Variants in ANKRD27 observed in about 807,000 individuals in gnomAD.
ANKRD27 encodes the protein ankyrin repeat domain 27, also known as ankyrin repeat domain-containing protein 27.
A neutral mutation model predicts 129.7 loss-of-function variants in ANKRD27; 112 were observed. That is an observed-to-expected ratio of 0.86 (90% CI 0.74 to 1.01). The LOEUF is 1.01. ANKRD27 is among the 50% of genes least tolerant of loss of function. The pLI is 0.00. For synonymous variants in ANKRD27, 516 were observed against 511.2 expected, an observed-to-expected ratio of 1.01 and a Z score of -0.13; for missense variants, 1,258 against 1,300.5, an observed-to-expected ratio of 0.97 and a Z score of 0.50.
At chr19:32,644,731 G>T (rs1400054849) in intron 4 of ANKRD27, among the ~76,000 whole-genome samples, 1 of 152,232 alleles carries the variant, frequency 6.6e-6, no homozygotes, top group Non-Finnish European at 1.5e-5. Flanking sequence ...AAGAGCATCA[G>T]TGTGCATCCA....
chr19:32,608,659 T>TA (rs1271009594), intron 22 of ANKRD27, among the ~76,000 whole-genome samples: 3 of 152,046 alleles, frequency 2.0e-5, no homozygotes, highest in Non-Finnish European at 4.4e-5. Flanking sequence ...TGGCTAAAGT[T>TA]AAAAACTCAA....
Position 32,615,694 on chromosome 19 carries a change from C to T in ANKRD27, c.2139G>A (p.Pro713=), listed in dbSNP as rs78841410. The T allele has an allele frequency of 7.7e-3, 12,369 of 1,614,158 alleles. 387 individuals are homozygous for T. Among genetic ancestry groups the T allele is most frequent in the South Asian group, 0.066 (6,007 of 91,080 alleles). ...VSAADPEFCH[P]LCQCPKCAPA... is the part of the protein sequence containing the mutation. Reference sequence around the variant, plus strand: ...GGGCACACTTGGGGCACTGGCACAACGGGTGACAGAATTCGGGGTCCGCTG... The same window carrying T: ...GGGCACACTTGGGGCACTGGCACAATGGGTGACAGAATTCGGGGTCCGCTG... The change falls in exon 22 of 29, where the codon CCG becomes CCA. Residue 713 remains proline, a synonymous_variant. Transcript: ENST00000306065.
At chr19:32,606,533 C>T (rs527979851) in intron 23 of ANKRD27, among the ~76,000 whole-genome samples, 6 of 40,600 alleles carry the variant, frequency 1.5e-4, no homozygotes, top group East Asian at 4.4e-4. Context: ...CCATCTGCTG[C>T]GGGGCTGCTC....
intron 18 of ANKRD27, among the ~76,000 whole-genome samples, chr19:32,621,827 A>G (rs947153529): frequency 1.3e-4 from 20 of 152,018 alleles, no homozygotes; most frequent in African/African-American, 4.4e-4. Flanking sequence ...TGCCTCTCTA[A>G]CGATGCCATT....
Position 32,649,765 on chromosome 19 carries a change from A to G in ANKRD27, c.130T>C (p.Ser44Pro). ...IVLVPCKGSL[S>P]SSIQSTCQFE... ...TGACAAGTAGACTGGATGCTGCTCGACAGGCTTCCTTTGCAGGGTACTAAG... is the reference window on the plus strand; with the variant it reads ...TGACAAGTAGACTGGATGCTGCTCGGCAGGCTTCCTTTGCAGGGTACTAAG... The change falls in exon 3 of 29, where the codon TCG becomes CCG. Residue 44 changes from serine to proline, a missense_variant. Coordinates refer to ENST00000306065, the MANE Select transcript of ANKRD27 (RefSeq NM_032139.3). The G allele has an allele frequency of 6.2e-7, 1 of 1,614,110 alleles. No homozygotes were observed. The highest frequency in any genetic ancestry group is 1.1e-5 in the South Asian group (1 of 91,080).
At chr19:32,650,897 C>T (rs1206729275) in intron 2 of ANKRD27, among the ~76,000 whole-genome samples, 2 of 140,644 alleles carry the variant, frequency 1.4e-5, no homozygotes, top group Non-Finnish European at 3.1e-5. Context: ...AACAGGTGCA[C>T]ACAACCATGA....
At chr19:32,614,135 T>C (rs1437455724) in intron 22 of ANKRD27, among the ~76,000 whole-genome samples, 1 of 152,050 alleles carries the variant, frequency 6.6e-6, no homozygotes, top group Non-Finnish European at 1.5e-5. Context: ...ATGATTGGTC[T>C]TGTGAGAGAA....
chr19:32,616,888 C>T (rs549554843), intron 21 of ANKRD27, among the ~76,000 whole-genome samples: 6 of 152,288 alleles, frequency 3.9e-5, no homozygotes, highest in Non-Finnish European at 7.3e-5. Context: ...CGCCTCTCTA[C>T]TTCCTCCTCT....
At chr19:32,663,944 T>C (rs1967694942) in intron 1 of ANKRD27, among the ~76,000 whole-genome samples, 2 of 148,002 alleles carry the variant, frequency 1.4e-5, no homozygotes, top group African/African-American at 5.0e-5. Flanking sequence ...TAGTCCCAGC[T>C]ACTTGGGAGG....
chr19:32,599,347 C>T (rs925705669), intron 28 of ANKRD27, among the ~76,000 whole-genome samples: 2 of 152,174 alleles, frequency 1.3e-5, no homozygotes, highest in Admixed American at 6.5e-5. Context: ...CAACTGTACA[C>T]CATACTTGGA....
chr19:32,602,624 G>A (rs915871460), intron 25 of ANKRD27, among the ~76,000 whole-genome samples: 10 of 152,140 alleles, frequency 6.6e-5, no homozygotes, highest in Admixed American at 2.6e-4. Flanking sequence ...CAGGCGCGAT[G>A]GCTCACGCCT....
chr19:32,619,117 G>A (rs1175438756), intron 20 of ANKRD27, 143 bp downstream of exon 20: 62 of 1,166,526 alleles, frequency 5.3e-5, no homozygotes, highest in Non-Finnish European at 7.1e-5. Flanking sequence ...CACCAACCTC[G>A]GCCACCACAG....
At chr19:32,622,367 C>A (rs1375826368) in intron 18 of ANKRD27, 55 bp downstream of exon 18, 1 of 1,583,550 alleles carries the variant, frequency 6.3e-7, no homozygotes, top group Non-Finnish European at 8.7e-7. Context: ...ACCTAAGCTA[C>A]GGACATCGAT....
chr19:32,619,436 C>T, intron 19 of ANKRD27, 57 bp from the exon 20 acceptor site: 1 of 1,613,980 alleles, frequency 6.2e-7, no homozygotes, highest in Non-Finnish European at 8.5e-7. Flanking sequence ...ACGTGAGGAC[C>T]AGAGAAGGCG....
chr19:32,616,677 C>T (rs1185740985), intron 21 of ANKRD27, among the ~76,000 whole-genome samples: 1 of 152,086 alleles, frequency 6.6e-6, no homozygotes, highest in Admixed American at 6.6e-5. Flanking sequence ...GTCAGATGTA[C>T]CTAATGGTTA....
chr19:32,607,900 C>A, intron 22 of ANKRD27, 68 bp from the exon 23 acceptor site: 1 of 1,472,302 alleles, frequency 6.8e-7, no homozygotes, highest in Non-Finnish European at 9.3e-7. Context: ...GAGTGATTGG[C>A]ACCATGTGCC....
At chr19:32,607,490 T>C (rs1230161234) in intron 23 of ANKRD27, 145 bp downstream of exon 23, 23 of 984,772 alleles carry the variant, frequency 2.3e-5, no homozygotes, top group Non-Finnish European at 3.3e-5. Context: ...CTGAGTGGCC[T>C]ACCGTGTGCA....
intron 25 of ANKRD27, among the ~76,000 whole-genome samples, chr19:32,603,887 G>T (rs138659653): frequency 6.6e-6 from 1 of 152,280 alleles, no homozygotes; most frequent in East Asian, 1.9e-4. Context: ...CCATCGTGCT[G>T]CTAAGACAAC....
intron 2 of ANKRD27, among the ~76,000 whole-genome samples, chr19:32,654,530 G>A (rs1489472452): frequency 6.6e-6 from 1 of 152,188 alleles, no homozygotes; most frequent in Non-Finnish European, 1.5e-5. Flanking sequence ...GACTGGACAG[G>A]TGTGGGTCCA....
Sources: allele counts gnomAD v4.1 joint callset (sites outside exome capture counted in the v4.1 genomes callset), GRCh38; gene constraint gnomAD v4.1.1; transcripts MANE v1.5; gene names NCBI Gene and HGNC (gene_info 2026-07-23, HGNC 2026-07-21).